The following ENTREP1 variants were observed in gnomAD, a reference collection of about 807,000 sequenced individuals.
ENTREP1 encodes Friedreich ataxia region gene X123.
At chr9:69,346,594 A>C in the ENTREP1 span, among the ~76,000 whole-genome samples, 43 of 152,244 alleles carry the variant, frequency 2.8e-4, no homozygotes, top group African/African-American at 8.2e-4. Context: ...TTATGTTGTC[A>C]GTGTCTTAAC....
chr9:69,338,810 C>T, the ENTREP1 span, among the ~76,000 whole-genome samples: 4 of 152,138 alleles, frequency 2.6e-5, no homozygotes, highest in Non-Finnish European at 5.9e-5. Context: ...TCAATTTTTA[C>T]CCTATTGTTG....
At chr9:69,384,342 A>G in the ENTREP1 span, among the ~76,000 whole-genome samples, 1 of 152,224 alleles carries the variant, frequency 6.6e-6, no homozygotes. Context: ...ATGGGAGAAA[A>G]TATGTGAACT....
the ENTREP1 span, chr9:69,371,127 A>T: frequency 9.9e-3 from 2,849 of 288,720 alleles, 26 homozygotes; most frequent in Non-Finnish European, 0.013. Context: ...CTTATATTCC[A>T]GAGTTCTGTA....
At chr9:69,339,181 A>C in the ENTREP1 span, among the ~76,000 whole-genome samples, 7 of 151,914 alleles carry the variant, frequency 4.6e-5, no homozygotes, top group Non-Finnish European at 5.9e-5. Flanking sequence ...CACCACACCC[A>C]GCTAATATTT....
the ENTREP1 span, among the ~76,000 whole-genome samples, chr9:69,333,860 TACAC>T: frequency 6.6e-6 from 1 of 152,136 alleles, no homozygotes; most frequent in Non-Finnish European, 1.5e-5. Flanking sequence ...CACAGAGGGA[TACAC>T]ACATGCACAC....
At chr9:69,386,653 G>A in the ENTREP1 span, 1 of 152,194 alleles carries the variant, frequency 6.6e-6, no homozygotes, top group Non-Finnish European at 1.5e-5. Context: ...GTCTAGCAGA[G>A]TTGACCTCTG....
At chr9:69,373,816 G>A in the ENTREP1 span, among the ~76,000 whole-genome samples, 1 of 152,078 alleles carries the variant, frequency 6.6e-6, no homozygotes, top group Non-Finnish European at 1.5e-5. Context: ...TTAAATTGGG[G>A]TAGAAGTTAC....
the ENTREP1 span, chr9:69,325,597 G>A: frequency 2.4e-6 from 3 of 1,227,916 alleles, no homozygotes; most frequent in Non-Finnish European, 3.0e-6. Flanking sequence ...CCGCCCGCCC[G>A]CTGCTGTCAC....
chr9:69,358,313 G>A, the ENTREP1 span, among the ~76,000 whole-genome samples: 1 of 152,120 alleles, frequency 6.6e-6, no homozygotes, highest in African/African-American at 2.4e-5. Context: ...TGCCTTTGAG[G>A]CCTGTCTGTA....
the ENTREP1 span, among the ~76,000 whole-genome samples, chr9:69,339,746 C>T: frequency 6.6e-6 from 1 of 152,200 alleles, no homozygotes; most frequent in African/African-American, 2.4e-5. Context: ...TCAGGGGCAC[C>T]TTCTGACTTG....
chr9:69,386,022 T>G, the ENTREP1 span: 12 of 1,451,476 alleles, frequency 8.3e-6, no homozygotes, highest in Middle Eastern at 2.5e-4. Context: ...GGCAGGTGGC[T>G]CTGGCCAGCT....
the ENTREP1 span, among the ~76,000 whole-genome samples, chr9:69,354,127 C>T: frequency 2.6e-5 from 4 of 152,124 alleles, no homozygotes; most frequent in Admixed American, 2.6e-4. Context: ...AGTATCTAGG[C>T]ATTGTCTTAC....
chr9:69,325,581 T>A, the ENTREP1 span: 1 of 1,224,742 alleles, frequency 8.2e-7, no homozygotes. Flanking sequence ...GGCTCCGCGC[T>A]GCTGCCCGCC....
chr9:69,325,226 T>A, the ENTREP1 span: 2 of 1,049,268 alleles, frequency 1.9e-6, no homozygotes. Flanking sequence ...GTGCCCAGTG[T>A]GCTGCGCCTT....
chr9:69,391,260 C>T, the ENTREP1 span, among the ~76,000 whole-genome samples: 19,641 of 152,168 alleles, frequency 0.13, 1,625 homozygotes, highest in African/African-American at 0.24. Context: ...ACCCGTCCCT[C>T]CCTGACCCAG....
the ENTREP1 span, among the ~76,000 whole-genome samples, chr9:69,357,467 C>T: frequency 6.6e-6 from 1 of 152,138 alleles, no homozygotes; most frequent in African/African-American, 2.4e-5. Flanking sequence ...CTTCAGCATG[C>T]TGGAGAGGAA....
the ENTREP1 span, among the ~76,000 whole-genome samples, chr9:69,362,794 A>G: frequency 9.9e-4 from 151 of 152,256 alleles, 1 homozygote; most frequent in African/African-American, 3.6e-3. Flanking sequence ...GAAAAATGCA[A>G]AAAAGCTAGA....
At chr9:69,327,465 C>T in the ENTREP1 span, among the ~76,000 whole-genome samples, 1 of 152,150 alleles carries the variant, frequency 6.6e-6, no homozygotes, top group South Asian at 2.1e-4. Context: ...AAATCATAAT[C>T]TATTGTCTTC....
chr9:69,332,381 A>G, the ENTREP1 span, among the ~76,000 whole-genome samples: 1 of 152,232 alleles, frequency 6.6e-6, no homozygotes, highest in African/African-American at 2.4e-5. Flanking sequence ...TTTAACTTGA[A>G]TATGTGCTGA....
Sources: gnomAD v4.1 joint callset for allele counts (sites outside exome capture counted in the v4.1 genomes callset) on GRCh38, gnomAD v4.1.1 for gene constraint, MANE v1.5 for transcripts, NCBI Gene and HGNC (gene_info 2026-07-23, HGNC 2026-07-21) for gene names.